Variants in HMBOX1 observed in about 807,000 individuals in gnomAD.
HMBOX1 encodes homeobox-containing protein 1.
HMBOX1 carries 14 observed loss-of-function variants against 54.5 expected under a neutral mutation model. That is an observed-to-expected ratio of 0.26 (90% confidence interval 0.17 to 0.40). HMBOX1 has a LOEUF of 0.40. Among genes scored for constraint, HMBOX1 ranks in the 10% least tolerant of loss-of-function variants. The pLI, the probability that HMBOX1 is intolerant of heterozygous loss-of-function variation, is 1.00. For missense variants in HMBOX1, 332 were observed against 514.4 expected (o/e 0.65, Z 3.43); for synonymous variants, 160 against 181.0 (o/e 0.88, Z 0.93).
chr8:28,966,635 A>C (rs893241837), intron 2 of HMBOX1, among the ~76,000 whole-genome samples: 1 of 152,202 alleles, frequency 6.6e-6, no homozygotes, highest in Non-Finnish European at 1.5e-5. Context: ...GCCGGAGTAT[A>C]TGCCTTTGTT....
rs148966839 is a variant in HMBOX1, at chr8:28,987,525, C to T, written c.586+7369C>T. On this transcript the variant is annotated intron_variant, in intron 4 of 9. Transcript: ENST00000287701. ...ATATCATAAATATCATAAATAACTT[C>T]CTGCAGAAGAGAGACTCTGAAGAGA... 3.0e-3 allele frequency among the ~76,000 whole-genome samples: 453 copies of T among 152,218 alleles called. 1 individual carries two copies. Among genetic ancestry groups the T allele is most frequent in the African/African-American group, 0.01 (428 of 41,532 alleles).
chr8:28,954,436 T>C (rs1184372574), intron 1 of HMBOX1, among the ~76,000 whole-genome samples: 2 of 152,178 alleles, frequency 1.3e-5, no homozygotes, highest in African/African-American at 2.4e-5. Flanking sequence ...TGCCACCCTT[T>C]CTTAATTCTT....
intron 6 of HMBOX1, among the ~76,000 whole-genome samples, chr8:29,031,700 G>A (rs1009391019): frequency 1.3e-5 from 2 of 152,100 alleles, no homozygotes; most frequent in Non-Finnish European, 2.9e-5. Context: ...ACTTTGGTAT[G>A]GCTTTAGGAA....
chr8:29,047,517 G>T, intron 8 of HMBOX1, 64 bp downstream of exon 8: 1 of 759,052 alleles, frequency 1.3e-6, no homozygotes, highest in Non-Finnish European at 2.3e-6. Flanking sequence ...TTTATATTAA[G>T]ATTAACTTCA....
chr8:29,012,048 G>A (rs2132877863), intron 5 of HMBOX1, among the ~76,000 whole-genome samples: 1 of 152,346 alleles, frequency 6.6e-6, no homozygotes, highest in South Asian at 2.1e-4. Context: ...AAGGTAGCTA[G>A]AGATAAGAGG....
At chr8:28,952,766 C>CT (rs1823712313) in intron 1 of HMBOX1, among the ~76,000 whole-genome samples, 1 of 152,148 alleles carries the variant, frequency 6.6e-6, no homozygotes, top group Non-Finnish European at 1.5e-5. Flanking sequence ...ATCTATAGGT[C>CT]TATCAGTTTT....
intron 2 of HMBOX1, among the ~76,000 whole-genome samples, chr8:28,965,166 C>T (rs1329832120): frequency 1.3e-5 from 2 of 152,152 alleles, no homozygotes; most frequent in Non-Finnish European, 2.9e-5. Flanking sequence ...TCCTCTGTGC[C>T]TTGCACAGGA....
chr8:28,918,098 A>C (rs1366738603), intron 1 of HMBOX1, among the ~76,000 whole-genome samples: 1 of 152,174 alleles, frequency 6.6e-6, no homozygotes, highest in Non-Finnish European at 1.5e-5. Flanking sequence ...TATTTGGTCA[A>C]ATTGGCCAGT....
chr8:28,912,052 A>C (rs1815548025), intron 1 of HMBOX1, among the ~76,000 whole-genome samples: 1 of 152,220 alleles, frequency 6.6e-6, no homozygotes, highest in South Asian at 2.1e-4. Flanking sequence ...ACCAAAGGCT[A>C]TTTTATAATA....
At chr8:29,024,367 G>A (rs1336011081) in intron 6 of HMBOX1, among the ~76,000 whole-genome samples, 1 of 152,174 alleles carries the variant, frequency 6.6e-6, no homozygotes, top group Non-Finnish European at 1.5e-5. Context: ...TGGTTATACT[G>A]TGCATTCTAT....
intron 3 of HMBOX1, among the ~76,000 whole-genome samples, chr8:28,978,786 C>CAA (rs36075812): frequency 0.056 from 5,353 of 94,982 alleles, 677 homozygotes; most frequent in African/African-American, 0.15. Context: ...GACTCCGTCT[C>CAA]AAAAAAAAAA....
intron 3 of HMBOX1, among the ~76,000 whole-genome samples, chr8:28,976,703 T>C (rs1828444487): frequency 1.3e-5 from 2 of 151,270 alleles, no homozygotes; most frequent in Admixed American, 6.6e-5. Flanking sequence ...TTCTTTTCTT[T>C]TTTTTCTTTT....
intron 4 of HMBOX1, among the ~76,000 whole-genome samples, chr8:28,987,612 ATTAACTC>A (rs1830356602): frequency 1.3e-5 from 2 of 152,180 alleles, no homozygotes; most frequent in African/African-American, 2.4e-5. Flanking sequence ...GAATTATCCT[ATTAACTC>A]TTAAAAGTTT....
chr8:29,009,243 T>C, intron 5 of HMBOX1, 61 bp downstream of exon 5: 1 of 1,351,186 alleles, frequency 7.4e-7, no homozygotes, highest in Non-Finnish European at 1.1e-6. Flanking sequence ...TGAATTACTT[T>C]AATGACTCCA....
chr8:28,941,969 C>T (rs764428078), intron 1 of HMBOX1, among the ~76,000 whole-genome samples: 8 of 152,138 alleles, frequency 5.3e-5, no homozygotes, highest in Non-Finnish European at 1.2e-4. Context: ...AGAACAGAAA[C>T]GAATACTCTT....
At chr8:29,038,451 TTTTATATGGACTAGAAG>T (rs1420801509) in intron 6 of HMBOX1, among the ~76,000 whole-genome samples, 1 of 152,222 alleles carries the variant, frequency 6.6e-6, no homozygotes, top group Admixed American at 6.5e-5. Context: ...GCTATATACA[TTTTATATGGACTAGAAG>T]TATGTTTTGA....
chr8:28,892,178 G>A (rs1036955402), intron 1 of HMBOX1, among the ~76,000 whole-genome samples: 5 of 152,186 alleles, frequency 3.3e-5, no homozygotes, highest in Non-Finnish European at 7.3e-5. Context: ...CATTTATGCT[G>A]CAGGTAATTA....
In HMBOX1 at chr8:28,969,915, T is replaced by C. The variant is rs1384726499; in HGVS notation, c.24-128T>C. On this transcript the variant is annotated intron_variant, in intron 2 of 9. Coordinates refer to ENST00000287701, the MANE Select transcript of HMBOX1 (RefSeq NM_001135726.3). Reference sequence around the variant, plus strand: ...TTGCCATGGCACAATCATTCTAGCATGGGACATACCTTCATTTTCAATACA... The same window carrying C: ...TTGCCATGGCACAATCATTCTAGCACGGGACATACCTTCATTTTCAATACA... 9.3e-6 allele frequency: 6 copies of C among 647,774 alleles called. No homozygotes were observed. In the Admixed American group the frequency reaches 1.4e-4, roughly 15 times the overall value. The allele number at this position is 647,774 out of a possible 1,614,324, so 40.1% of individuals were successfully genotyped here.
At chr8:29,044,895 C>T (rs1347581988) in intron 6 of HMBOX1, among the ~76,000 whole-genome samples, 4 of 152,120 alleles carry the variant, frequency 2.6e-5, no homozygotes, top group Non-Finnish European at 4.4e-5. Flanking sequence ...GGGTAATTTC[C>T]AATTTTTTCT....
Sources: allele counts gnomAD v4.1 joint callset (sites outside exome capture counted in the v4.1 genomes callset), GRCh38; gene constraint gnomAD v4.1.1; transcripts MANE v1.5; gene names NCBI Gene and HGNC (gene_info 2026-07-23, HGNC 2026-07-21).